OXCT1: variants seen among roughly 807,000 people sequenced by gnomAD.
OXCT1 encodes 3-oxoacid CoA-transferase 1, also known as succinyl-CoA:3-ketoacid coenzyme A transferase 1, mitochondrial.
Under a neutral mutation model 69.6 loss-of-function variants are expected in OXCT1, and 27 were observed. The ratio of observed to expected loss-of-function variants is 0.39; its 90% CI spans 0.29 to 0.54. The LOEUF is 0.54. Ranked by LOEUF, OXCT1 falls within the 20% of genes least tolerant of loss-of-function variation. The pLI, the probability that OXCT1 is intolerant of heterozygous loss-of-function variation, is 0.72. For missense variants in OXCT1, 437 were observed against 650.2 expected (o/e 0.67, Z 3.57); for synonymous variants, 202 against 217.8 (o/e 0.93, Z 0.64).
chr5:41,784,633 C>T (rs993037926), intron 13 of OXCT1, among the ~76,000 whole-genome samples: 10 of 152,198 alleles, frequency 6.6e-5, no homozygotes, highest in African/African-American at 2.4e-4. Context: ...CTTTTCATCA[C>T]TTGCCACAGA....
intron 13 of OXCT1, among the ~76,000 whole-genome samples, chr5:41,769,237 C>T: frequency 6.6e-6 from 1 of 152,106 alleles, no homozygotes; most frequent in East Asian, 1.9e-4. Context: ...GTTATGATCT[C>T]TCCCTTATGA....
chr5:41,834,462 T>A (rs1579838250), intron 7 of OXCT1, among the ~76,000 whole-genome samples: 3 of 89,720 alleles, frequency 3.3e-5, no homozygotes, highest in African/African-American at 9.2e-5. Flanking sequence ...GATGGAAAAA[T>A]ATATCCCATG....
intron 13 of OXCT1, among the ~76,000 whole-genome samples, chr5:41,767,332 G>A (rs547929148): frequency 2.6e-5 from 4 of 152,074 alleles, no homozygotes; most frequent in Admixed American, 6.5e-5. Flanking sequence ...AATATGGAAC[G>A]AGAAATATAA....
At chr5:41,850,925 C>G (rs1749145294) in intron 4 of OXCT1, among the ~76,000 whole-genome samples, 1 of 152,150 alleles carries the variant, frequency 6.6e-6, no homozygotes, top group Non-Finnish European at 1.5e-5. Context: ...GGCCCTGAAC[C>G]TTGACACCCT....
At chr5:41,828,498 CT>C (rs1747928793) in intron 7 of OXCT1, among the ~76,000 whole-genome samples, 1 of 152,082 alleles carries the variant, frequency 6.6e-6, no homozygotes, top group African/African-American at 2.4e-5. Context: ...GCAAGTGCTT[CT>C]AATAAAATGA....
At chr5:41,803,011 C>T (rs1746494959) in intron 10 of OXCT1, 58 bp downstream of exon 10, 2 of 1,216,422 alleles carry the variant, frequency 1.6e-6, no homozygotes, top group Non-Finnish European at 2.4e-6. Flanking sequence ...AATTTCACAA[C>T]ATGAAATATC....
intron 3 of OXCT1, among the ~76,000 whole-genome samples, chr5:41,856,094 C>T (rs776331216): frequency 1.3e-5 from 2 of 152,056 alleles, no homozygotes; most frequent in African/African-American, 2.4e-5. Context: ...ACAGGAAGTC[C>T]CTGTAAAAAG....
intron 1 of OXCT1, 81 bp from the exon 2 acceptor site, chr5:41,862,831 T>C (rs549464385): frequency 6.2e-6 from 5 of 808,998 alleles, no homozygotes; most frequent in Admixed American, 2.0e-5. Context: ...ATTCAATTGA[T>C]AGACAAATGA....
intron 2 of OXCT1, 66 bp downstream of exon 2, chr5:41,862,576 G>A (rs1749786285): frequency 1.2e-6 from 1 of 844,956 alleles, no homozygotes; most frequent in African/African-American, 1.7e-5. Context: ...TTGTCATTGT[G>A]ATTTGCCTGC....
intron 7 of OXCT1, among the ~76,000 whole-genome samples, chr5:41,824,250 C>T (rs1747700089): frequency 6.6e-6 from 1 of 152,170 alleles, no homozygotes; most frequent in Admixed American, 6.5e-5. Flanking sequence ...CACTGGGTTA[C>T]TATAAAGTGC....
chr5:41,765,864 C>A (rs535300655), intron 13 of OXCT1, among the ~76,000 whole-genome samples: 102 of 152,198 alleles, frequency 6.7e-4, no homozygotes, highest in South Asian at 1.5e-3. Flanking sequence ...ATAGAGTCCA[C>A]CCCCATCCCT....
At chr5:41,864,138 AC>A (rs896144091) in intron 1 of OXCT1, among the ~76,000 whole-genome samples, 10 of 152,186 alleles carry the variant, frequency 6.6e-5, no homozygotes, top group African/African-American at 1.9e-4. Context: ...CTTCATCCAC[AC>A]TATGCACAAA....
At chr5:41,853,934 T>C (rs953265928) in intron 3 of OXCT1, among the ~76,000 whole-genome samples, 1 of 152,160 alleles carries the variant, frequency 6.6e-6, no homozygotes, top group Admixed American at 6.6e-5. Context: ...AAGAGATGAA[T>C]TGGTTCTTGT....
Position 41,731,737 on chromosome 5 carries a change from C to T in OXCT1, c.1555G>A (p.Ala519Thr), listed in dbSNP as rs180683984. ...SPKLMPMQQI[A>T]N ...GTACAAATATCCATATTTCAATTTGCGATCTGCTGCATTGGCATGAGTTTT... is the reference window on the plus strand; with the variant it reads ...GTACAAATATCCATATTTCAATTTGTGATCTGCTGCATTGGCATGAGTTTT... Residue 519 changes from alanine to threonine, a missense_variant, in exon 17 of 17, where the codon GCA (alanine) becomes ACA (threonine). Around this residue, in one of 4 missense-constraint regions of OXCT1, gnomAD observed 102 missense variants for 162.1 expected, o/e 0.63. Transcript: ENST00000196371. The T allele has an allele frequency of 4.6e-5, 74 of 1,608,412 alleles. No individual in the cohort carries two copies. The East Asian group carries it at 5.1e-4, about 11-fold the overall frequency.
intron 12 of OXCT1, 87 bp downstream of exon 12, chr5:41,794,590 G>T: frequency 8.3e-7 from 1 of 1,203,358 alleles, no homozygotes; most frequent in Non-Finnish European, 1.2e-6. Flanking sequence ...AAATGTGGCT[G>T]TGTTTCAGAG....
Position 41,836,248 on chromosome 5 carries a change from G to A in OXCT1, c.732+4203C>T, listed in dbSNP as rs571827510. ...GGAGGTCCAGAAATAACACTGTCTGGACTGAAAAGAGAAACATCTCTCTAG... is the reference window on the plus strand; with the variant it reads ...GGAGGTCCAGAAATAACACTGTCTGAACTGAAAAGAGAAACATCTCTCTAG... On this transcript the variant is annotated intron_variant, in intron 7 of 16. Transcript: ENST00000196371. Among the ~76,000 whole-genome samples, 3 of 152,268 alleles carry A rather than the reference G, an allele frequency of 2.0e-5. No individual in the cohort carries two copies. In the East Asian group the frequency reaches 5.8e-4, roughly 29 times the overall value.
intron 7 of OXCT1, 109 bp downstream of exon 7, chr5:41,840,342 A>C: frequency 6.0e-6 from 5 of 834,974 alleles, no homozygotes; most frequent in Non-Finnish European, 1.0e-5. Flanking sequence ...CAAAAAAAAA[A>C]GCTGTCATTG....
chr5:41,832,260 A>G (rs1748134061), intron 7 of OXCT1, among the ~76,000 whole-genome samples: 1 of 151,946 alleles, frequency 6.6e-6, no homozygotes, highest in Admixed American at 6.5e-5. Flanking sequence ...GGCCTGACCC[A>G]CCACAGTCCC....
At chr5:41,790,482 A>G (rs1232120488) in intron 13 of OXCT1, among the ~76,000 whole-genome samples, 1 of 152,198 alleles carries the variant, frequency 6.6e-6, no homozygotes, top group Non-Finnish European at 1.5e-5. Flanking sequence ...CATGAGACCA[A>G]CACTGCATAC....
Sources: allele counts gnomAD v4.1 joint callset (sites outside exome capture counted in the v4.1 genomes callset), GRCh38; gene constraint gnomAD v4.1.1; regional missense constraint gnomAD v4.1.1; transcripts MANE v1.5; gene names NCBI Gene and HGNC (gene_info 2026-07-23, HGNC 2026-07-21).